Variants in XPR1 observed in about 807,000 individuals in gnomAD.
The protein encoded by XPR1 is solute carrier family 53 member 1.
In XPR1, 28 loss-of-function variants were observed where a neutral mutation model predicts 87.5. That is an observed-to-expected ratio of 0.32 (90% CI 0.24 to 0.44). The LOEUF is 0.44. XPR1 is among the 20% of genes least tolerant of loss of function. XPR1 has a pLI of 1.00. For synonymous variants in XPR1, 300 were observed against 306.1 expected (o/e 0.98, Z 0.21); for missense variants, 559 against 862.3 (o/e 0.65, Z 4.41).
chr1:180,762,440 C>T (rs1454189708), intron 2 of XPR1, among the ~76,000 whole-genome samples: 1 of 152,104 alleles, frequency 6.6e-6, no homozygotes, highest in African/African-American at 2.4e-5. Flanking sequence ...AATGAATTAT[C>T]TTGATCATAC....
At chr1:180,770,686 A>G (rs1648481564) in intron 2 of XPR1, among the ~76,000 whole-genome samples, 1 of 152,194 alleles carries the variant, frequency 6.6e-6, no homozygotes, top group Admixed American at 6.5e-5. Flanking sequence ...TTCAACCTCA[A>G]CTAAAAATAA....
intron 2 of XPR1, among the ~76,000 whole-genome samples, chr1:180,733,980 A>G (rs1487425603): frequency 6.6e-6 from 1 of 152,136 alleles, no homozygotes; most frequent in Non-Finnish European, 1.5e-5. Flanking sequence ...GACAGTTATA[A>G]TTATTATTTT....
intron 2 of XPR1, among the ~76,000 whole-genome samples, chr1:180,744,865 A>G (rs913062494): frequency 1.3e-5 from 2 of 151,576 alleles, no homozygotes; most frequent in South Asian, 4.2e-4. Flanking sequence ...GTTAGCCAGG[A>G]TGGTCTCGAT....
At chr1:180,652,118 C>A (rs566673520) in intron 1 of XPR1, among the ~76,000 whole-genome samples, 1 of 152,028 alleles carries the variant, frequency 6.6e-6, no homozygotes, top group African/African-American at 2.4e-5. Context: ...ATGGTGAAAC[C>A]CTGTCTCTAC....
At chr1:180,710,880 C>T (rs912277627) in intron 2 of XPR1, among the ~76,000 whole-genome samples, 2 of 151,936 alleles carry the variant, frequency 1.3e-5, no homozygotes, top group African/African-American at 4.8e-5. Context: ...GGGGGCTGCC[C>T]CCCACCTCCC....
intron 1 of XPR1, among the ~76,000 whole-genome samples, chr1:180,666,465 A>G (rs1242515942): frequency 2.0e-5 from 3 of 152,198 alleles, no homozygotes; most frequent in East Asian, 3.8e-4. Flanking sequence ...TCTTTCAGCA[A>G]CATTTTCTTC....
rs532708197 is a variant in XPR1 at position 180,889,300 on chromosome 1, A to T, written c.*5234A>T. On this transcript the variant is annotated 3_prime_UTR_variant, in exon 15 of 15. Coordinates refer to ENST00000367590, the MANE Select transcript of XPR1 (RefSeq NM_004736.4). ...TGTTTGCCTTGGATTCAGTATATCTACTAAGTACACAGTCTCGTATACCTT... is the reference window on the plus strand; with the variant it reads ...TGTTTGCCTTGGATTCAGTATATCTTCTAAGTACACAGTCTCGTATACCTT... The T allele has an allele frequency of 5.3e-5, 8 of 152,348 alleles. No homozygotes were observed. The South Asian group carries it at 1.7e-3, about 32-fold the overall frequency. 9.4% of individuals were successfully genotyped at this position (152,348 alleles called of 1,614,324 possible).
intron 1 of XPR1, among the ~76,000 whole-genome samples, chr1:180,657,458 G>T (rs1033385167): frequency 6.6e-6 from 1 of 152,054 alleles, no homozygotes; most frequent in African/African-American, 2.4e-5. Context: ...ACTTTTATTT[G>T]ATTTTTGTAT....
chr1:180,690,957 A>G (rs1360555450), intron 2 of XPR1, among the ~76,000 whole-genome samples: 1 of 151,840 alleles, frequency 6.6e-6, no homozygotes, highest in Non-Finnish European at 1.5e-5. Flanking sequence ...CTCTTGATCT[A>G]TTATGTTTAG....
intron 2 of XPR1, among the ~76,000 whole-genome samples, chr1:180,726,514 C>G (rs941685705): frequency 1.3e-5 from 2 of 152,260 alleles, no homozygotes; most frequent in East Asian, 1.9e-4. Context: ...GGACACAGTT[C>G]TGTTTCTTAT....
intron 1 of XPR1, among the ~76,000 whole-genome samples, chr1:180,669,938 A>T (rs1379696289): frequency 1.3e-5 from 2 of 152,214 alleles, no homozygotes; most frequent in Admixed American, 6.5e-5. Flanking sequence ...ATGGGTAAAC[A>T]AAACTGTGGA....
At chr1:180,703,412 C>T (rs889159584) in intron 2 of XPR1, among the ~76,000 whole-genome samples, 3 of 152,138 alleles carry the variant, frequency 2.0e-5, no homozygotes, top group Non-Finnish European at 2.9e-5. Context: ...ATGCGGGTGC[C>T]AGCATCAGTT....
chr1:180,688,922 A>T (rs886961045), intron 2 of XPR1, among the ~76,000 whole-genome samples: 5 of 152,074 alleles, frequency 3.3e-5, no homozygotes, highest in Non-Finnish European at 5.9e-5. Context: ...GATATATATA[A>T]ATTACATGCT....
At chr1:180,669,911 T>C (rs12087750) in intron 1 of XPR1, among the ~76,000 whole-genome samples, 1,920 of 152,300 alleles carry the variant, frequency 0.013, 30 homozygotes, top group African/African-American at 0.044. Context: ...TCTTAAAATA[T>C]CTTAATGTAC....
At chr1:180,712,165 A>C (rs904775451) in intron 2 of XPR1, among the ~76,000 whole-genome samples, 4 of 152,350 alleles carry the variant, frequency 2.6e-5, no homozygotes, top group African/African-American at 7.2e-5. Flanking sequence ...AAAATATAAC[A>C]ATTATAACAG....
rs546617604 is a variant in XPR1 at position 180,778,949 on chromosome 1, C to T, written c.122-8804C>T. 9.2e-5 allele frequency among the ~76,000 whole-genome samples: 14 copies of T among 152,304 alleles called. No homozygotes were observed. The South Asian group carries it at 1.2e-3, about 14-fold the overall frequency. On this transcript the variant is annotated intron_variant, in intron 2 of 14. Transcript: ENST00000367590. ...CAAACTTCATAACATGGGCTTTGTG[C>T]GTGAAAGGGCCTTTACCTGCCTCCC...
intron 13 of XPR1, 90 bp downstream of exon 13, chr1:180,874,032 C>T: frequency 3.7e-6 from 5 of 1,355,364 alleles, no homozygotes; most frequent in Non-Finnish European, 4.9e-6. Context: ...ATAACTTGTA[C>T]TTGAAAACCT....
chr1:180,839,454 A>G (rs1259784066), intron 11 of XPR1, among the ~76,000 whole-genome samples: 2 of 152,220 alleles, frequency 1.3e-5, no homozygotes, highest in Admixed American at 6.5e-5. Context: ...TACCAGTGCA[A>G]TATTTTATGA....
chr1:180,759,703 C>T lies in XPR1; in HGVS notation c.122-28050C>T, dbSNP rs566685074. 1.6e-3 allele frequency among the ~76,000 whole-genome samples: 251 copies of T among 152,296 alleles called. 1 individual carries two copies. The highest frequency in any genetic ancestry group is 5.7e-3 in the African/African-American group (237 of 41,562). ...CCAGAGGTACAAGGAGGAGCTGGTA[C>T]CATTCCTTCTGAAACTATTCCAATC... On this transcript the variant is annotated intron_variant, in intron 2 of 14. Transcript: ENST00000367590.
Sources: allele counts gnomAD v4.1 joint callset (sites outside exome capture counted in the v4.1 genomes callset), GRCh38; gene constraint gnomAD v4.1.1; transcripts MANE v1.5; gene names NCBI Gene and HGNC (gene_info 2026-07-23, HGNC 2026-07-21).